The following DRC5 variants were observed in gnomAD, a reference collection of about 807,000 sequenced individuals.
DRC5 encodes the protein dynein regulatory complex subunit 5.
At chr6:44,286,106 G>A in the DRC5 span, 5 of 1,614,158 alleles carry the variant, frequency 3.1e-6, no homozygotes, top group Non-Finnish European at 4.2e-6. Flanking sequence ...GCTCAGGCCA[G>A]CTACCAGATC....
the DRC5 span, among the ~76,000 whole-genome samples, chr6:44,293,804 G>A: frequency 6.6e-6 from 1 of 152,170 alleles, no homozygotes; most frequent in Non-Finnish European, 1.5e-5. Flanking sequence ...CTAATGTACA[G>A]TCTTCATCCC....
the DRC5 span, among the ~76,000 whole-genome samples, chr6:44,284,252 C>T: frequency 3.9e-5 from 6 of 152,130 alleles, no homozygotes; most frequent in African/African-American, 1.2e-4. Flanking sequence ...CTATTCCACC[C>T]CGTTGCTCAC....
At chr6:44,292,395 A>G in the DRC5 span, among the ~76,000 whole-genome samples, 2 of 152,090 alleles carry the variant, frequency 1.3e-5, no homozygotes, top group Non-Finnish European at 2.9e-5. Flanking sequence ...ACCCCAAAAC[A>G]ACCCCTCCCG....
chr6:44,278,863 G>A, the DRC5 span: 1 of 99,824 alleles, frequency 1.0e-5, no homozygotes, highest in Non-Finnish European at 2.1e-5. Context: ...GCTAGCAGCT[G>A]TGGCTATACA....
At chr6:44,292,323 T>C in the DRC5 span, among the ~76,000 whole-genome samples, 535 of 152,334 alleles carry the variant, frequency 3.5e-3, 9 homozygotes, top group African/African-American at 0.012. Flanking sequence ...ATCACTGGTC[T>C]TCTGAGTCTG....
chr6:44,287,522 G>C, the DRC5 span: 1 of 1,581,630 alleles, frequency 6.3e-7, no homozygotes, highest in Non-Finnish European at 8.6e-7. Context: ...GCCTTCTCCT[G>C]CCCACCTAAA....
chr6:44,280,442 G>C, the DRC5 span: 8 of 1,365,492 alleles, frequency 5.9e-6, no homozygotes, highest in South Asian at 7.4e-5. Flanking sequence ...CCCAGGATCT[G>C]ACACACATAC....
At chr6:44,286,552 A>G in the DRC5 span, 8 of 1,593,684 alleles carry the variant, frequency 5.0e-6, no homozygotes, top group Non-Finnish European at 5.1e-6. Flanking sequence ...CAGAGGAAGG[A>G]GCGCAGGGGG....
At chr6:44,295,051 G>A in the DRC5 span, among the ~76,000 whole-genome samples, 1 of 152,172 alleles carries the variant, frequency 6.6e-6, no homozygotes, top group Non-Finnish European at 1.5e-5. Flanking sequence ...GACCCACAGA[G>A]GGCAGTCCTG....
At chr6:44,294,772 C>CAAAAAAAAAAAAAA in the DRC5 span, among the ~76,000 whole-genome samples, 2 of 88,754 alleles carry the variant, frequency 2.3e-5, no homozygotes, top group African/African-American at 4.6e-5. Flanking sequence ...AACTCTGTCT[C>CAAAAAAAAAAAAAA]AAAAAAAAAA....
the DRC5 span, among the ~76,000 whole-genome samples, chr6:44,297,327 C>T: frequency 6.6e-6 from 1 of 152,348 alleles, no homozygotes; most frequent in South Asian, 2.1e-4. Context: ...CGCTCTCCTC[C>T]ACGCCCTACG....
the DRC5 span, chr6:44,285,860 A>T: frequency 8.8e-7 from 1 of 1,134,960 alleles, no homozygotes; most frequent in African/African-American, 1.5e-5. Flanking sequence ...CCAATGAAAG[A>T]GAAGGAAATA....
chr6:44,296,685 G>A, the DRC5 span, among the ~76,000 whole-genome samples: 6 of 145,990 alleles, frequency 4.1e-5, no homozygotes, highest in Admixed American at 1.4e-4. Flanking sequence ...GGCAGACAGC[G>A]CCTCTGTGCC....
the DRC5 span, chr6:44,286,257 G>C: frequency 1.6e-5 from 25 of 1,612,612 alleles, no homozygotes; most frequent in African/African-American, 2.7e-4. Flanking sequence ...ACGTAATTCC[G>C]GCAGAGCGGC....
At chr6:44,286,570 G>T in the DRC5 span, 3 of 1,554,566 alleles carry the variant, frequency 1.9e-6, no homozygotes, top group African/African-American at 4.1e-5. Context: ...GGGTCACAGT[G>T]TTGGGGGACA....
At chr6:44,286,781 A>G in the DRC5 span, among the ~76,000 whole-genome samples, 1 of 152,008 alleles carries the variant, frequency 6.6e-6, no homozygotes, top group Non-Finnish European at 1.5e-5. Context: ...ACTGAGGAAG[A>G]CTCTCAGGTC....
the DRC5 span, chr6:44,280,244 GGCCCGCTGGCGGGCT>G: frequency 1.2e-6 from 2 of 1,614,216 alleles, no homozygotes; most frequent in Non-Finnish European, 1.7e-6. Flanking sequence ...TGGGATTCAG[GGCCCGCTGGCGGGCT>G]GCTTCTCGGT....
chr6:44,284,976 G>A, the DRC5 span, among the ~76,000 whole-genome samples: 1 of 152,190 alleles, frequency 6.6e-6, no homozygotes, highest in Non-Finnish European at 1.5e-5. Context: ...GAGCTCCTAA[G>A]GATAAAGATA....
chr6:44,286,187 G>T, the DRC5 span: 4 of 1,611,664 alleles, frequency 2.5e-6, no homozygotes, highest in Non-Finnish European at 3.4e-6. Context: ...CTGGTCGCCC[G>T]GCCGGAGCTG....
Sources: gnomAD v4.1 joint callset for allele counts (sites outside exome capture counted in the v4.1 genomes callset) on GRCh38, gnomAD v4.1.1 for gene constraint, MANE v1.5 for transcripts, NCBI Gene and HGNC (gene_info 2026-07-23, HGNC 2026-07-21) for gene names.